Variants in LSM14A observed in about 807,000 individuals in gnomAD.
The protein encoded by LSM14A is protein LSM14 homolog A.
A neutral mutation model predicts 52.4 loss-of-function variants in LSM14A; 14 were observed. The observed-to-expected ratio is 0.27, with a 90% CI of 0.18 to 0.42. The LOEUF (loss-of-function observed/expected upper bound fraction) is 0.42, where lower values mean the gene tolerates loss of function less well. LSM14A is among the 10% of genes least tolerant of loss of function. LSM14A has a pLI of 1.00. For synonymous variants in LSM14A, 185 were observed against 200.3 expected, an observed-to-expected ratio of 0.92 and a Z score of 0.64; for missense variants, 417 against 581.8, an observed-to-expected ratio of 0.72 and a Z score of 2.91.
rs868107026 is a variant in LSM14A, at chr19:34,175,557, A to C, written c.121+2794A>C. Among the ~76,000 whole-genome samples, 10 of 152,298 alleles carry C rather than the reference A, an allele frequency of 6.6e-5. No homozygotes were observed. In the South Asian group the frequency reaches 1.9e-3, roughly 28 times the overall value. Reference sequence around the variant, plus strand: ...GCTTTTTCTTAAGCAACATGAGTTAAATGTGTAACCAGTTTGGGGAATTTG... The same window carrying C: ...GCTTTTTCTTAAGCAACATGAGTTACATGTGTAACCAGTTTGGGGAATTTG... On this transcript the variant is annotated intron_variant, in intron 1 of 9. Coordinates refer to ENST00000544216, the MANE Select transcript of LSM14A (RefSeq NM_015578.4).
intron 1 of LSM14A, among the ~76,000 whole-genome samples, chr19:34,175,752 G>A (rs2069040759): frequency 6.6e-6 from 1 of 152,114 alleles, no homozygotes. Flanking sequence ...ATGACTTGTT[G>A]AGTAATTCGA....
intron 4 of LSM14A, among the ~76,000 whole-genome samples, chr19:34,211,170 G>A (rs2072117749): frequency 6.6e-6 from 1 of 151,782 alleles, no homozygotes. Flanking sequence ...AGCCGGGCAT[G>A]GTGGCGTGCA....
intron 1 of LSM14A, among the ~76,000 whole-genome samples, chr19:34,189,073 GGT>G (rs2070157612): frequency 1.3e-5 from 2 of 152,052 alleles, no homozygotes; most frequent in Non-Finnish European, 2.9e-5. Context: ...CTTCCCTGAG[GGT>G]GGGGACATAA....
In LSM14A at chr19:34,182,434, A is replaced by G. The variant is rs562629209; in HGVS notation, c.121+9671A>G. On this transcript the variant is annotated intron_variant, in intron 1 of 9. Transcript: ENST00000544216. ...TGGAAGCTTTTATTTAGAATTCTCT[A>G]TTCCTGGAATTCACAAATGTGATCA... 2.2e-4 allele frequency among the ~76,000 whole-genome samples: 34 copies of G among 151,930 alleles called. 1 individual carries two copies. In the South Asian group the frequency reaches 6.2e-3, roughly 28 times the overall value.
chr19:34,194,122 A>G lies in LSM14A; in HGVS notation c.122-356A>G, dbSNP rs890500720. 2.0e-5 allele frequency among the ~76,000 whole-genome samples: 3 copies of G among 152,320 alleles called. No individual in the cohort carries two copies. The East Asian group carries it at 5.8e-4, about 29-fold the overall frequency. On this transcript the variant is annotated intron_variant, in intron 1 of 9. Coordinates refer to ENST00000544216, the MANE Select transcript of LSM14A (RefSeq NM_015578.4). ...CGGGAAGCTGAGGCTGCAGGAAGCC[A>G]TGACCACACCACTGCACTCCAGCCT... is the stretch of plus-strand genomic sequence containing the variant.
rs1327402415 is a variant in LSM14A, at chr19:34,227,999, TC to T, written c.*613del. Reference sequence around the variant, plus strand: ...TAACTTTTTTATATAGTTGTAAAATTCCATTATATTCCATTGCCAAAGAAAC... The same window carrying T: ...TAACTTTTTTATATAGTTGTAAAATTCATTATATTCCATTGCCAAAGAAAC... On this transcript the variant is annotated 3_prime_UTR_variant, in exon 10 of 10. Coordinates refer to ENST00000544216, the MANE Select transcript of LSM14A (RefSeq NM_015578.4). 6.6e-6 allele frequency: 1 copy of T among 152,590 alleles called. No individual in the cohort carries two copies. Among genetic ancestry groups the T allele is most frequent in the South Asian group, 2.1e-4 (1 of 4,830 alleles). 9.5% of individuals were successfully genotyped at this position (152,590 alleles called of 1,614,324 possible). A position where few individuals can be genotyped will look rare whatever the true frequency, so the allele number is the denominator to read the frequency against.
intron 6 of LSM14A, among the ~76,000 whole-genome samples, chr19:34,216,241 G>A (rs980334043): frequency 2.8e-4 from 42 of 151,984 alleles, no homozygotes; most frequent in African/African-American, 7.2e-4. Context: ...GTGAAACCCC[G>A]TCTCCACTAA....
In LSM14A at chr19:34,209,064, A is replaced by G; in HGVS notation, c.538+13A>G. 1 of 1,520,130 alleles carries G rather than the reference A, an allele frequency of 6.6e-7. No homozygotes were observed. Among genetic ancestry groups the G allele is most frequent in the Non-Finnish European group, 8.9e-7 (1 of 1,121,840 alleles). 94.2% of individuals were successfully genotyped at this position (1,520,130 alleles called of 1,614,324 possible). A position where few individuals can be genotyped will look rare whatever the true frequency, so the allele number is the denominator to read the frequency against. On this transcript the variant is annotated intron_variant, in intron 4 of 9. Coordinates refer to ENST00000544216, the MANE Select transcript of LSM14A (RefSeq NM_015578.4). ...CAGTTATCTCAAGGTAAGCTATCTC[A>G]TCCCTAAAATATTTCCATTCTAAAC...
Position 34,194,533 on chromosome 19 carries a change from T to C in LSM14A, c.177T>C (p.Asp59=). The change falls in exon 2 of 10, where the codon GAT becomes GAC. Residue 59 remains aspartate, a synonymous_variant. Coordinates refer to ENST00000544216, the MANE Select transcript of LSM14A (RefSeq NM_015578.4). ...CAGATCGTCCAATACCACCTCGAGA[T>C]GAAGTCTTTGAATACATTATATTCC... ...RPTDRPIPPR[D]EVFEYIIFRG... 1.9e-6 allele frequency: 3 copies of C among 1,614,156 alleles called. No homozygotes were observed. Among genetic ancestry groups the C allele is most frequent in the Non-Finnish European group, 2.5e-6 (3 of 1,179,974 alleles).
intron 2 of LSM14A, 31 bp from the exon 3 acceptor site, chr19:34,196,603 C>T: frequency 1.9e-6 from 3 of 1,558,364 alleles, no homozygotes; most frequent in Non-Finnish European, 2.6e-6. Context: ...TTGCTTAGAG[C>T]TTGGAAACAT....
intron 3 of LSM14A, among the ~76,000 whole-genome samples, chr19:34,199,868 A>G (rs2071163026): frequency 1.3e-5 from 2 of 152,262 alleles, no homozygotes; most frequent in South Asian, 4.1e-4. Flanking sequence ...GAGGATTATC[A>G]TTAGATGCTG....
chr19:34,229,098 A>C lies in LSM14A; in HGVS notation c.*1710A>C, dbSNP rs1458976899. On this transcript the variant is annotated 3_prime_UTR_variant, in exon 10 of 10. Transcript: ENST00000544216. ...GAGATGTCCCGGGCCAATTTCAAGA[A>C]AGAAAACTGTAAATACTAGTTCTAC... 1 of 152,218 alleles carries C rather than the reference A, an allele frequency of 6.6e-6. No individual in the cohort carries two copies. Among genetic ancestry groups the C allele is most frequent in the Non-Finnish European group, 1.5e-5 (1 of 68,050 alleles). The allele number at this position is 152,218 out of a possible 1,614,324, so 9.4% of individuals were successfully genotyped here. A position where few individuals can be genotyped will look rare whatever the true frequency, so the allele number is the denominator to read the frequency against.
chr19:34,203,952 A>G (rs943006280), intron 3 of LSM14A, among the ~76,000 whole-genome samples: 74 of 152,206 alleles, frequency 4.9e-4, no homozygotes, highest in African/African-American at 1.7e-3. Flanking sequence ...TGTTTATAAG[A>G]AATGCACTGA....
In LSM14A at chr19:34,219,446, G is replaced by A; in HGVS notation, c.837G>A (p.Arg279=). 1 of 1,613,940 alleles carries A rather than the reference G, an allele frequency of 6.2e-7. No homozygotes were observed. The highest frequency in any genetic ancestry group is 1.1e-5 in the South Asian group (1 of 91,074). The change falls in exon 7 of 10, where the codon AGG becomes AGA. Residue 279 remains arginine (R), a synonymous_variant. Transcript: ENST00000544216. ...RRGRGGHRGG[R]GRFGIRRDGP... is the part of the protein sequence containing the mutation. ...GGCGTGGGGGTCATCGGGGTGGCAG[G>A]GGAAGATTTGGTATTCGGCGAGATG... is the stretch of plus-strand genomic sequence containing the variant.
At chr19:34,181,861 A>G (rs1052501975) in intron 1 of LSM14A, among the ~76,000 whole-genome samples, 1 of 151,876 alleles carries the variant, frequency 6.6e-6, no homozygotes, top group Non-Finnish European at 1.5e-5. Flanking sequence ...TAACATCTCT[A>G]CTTGTAGGGA....
chr19:34,176,259 A>G (rs1364782333), intron 1 of LSM14A, among the ~76,000 whole-genome samples: 2 of 152,102 alleles, frequency 1.3e-5, no homozygotes, highest in Non-Finnish European at 2.9e-5. Flanking sequence ...TTTGAGTAAC[A>G]GTCTTAGCAT....
intron 2 of LSM14A, 60 bp downstream of exon 2, chr19:34,194,701 C>CT (rs2070716213): frequency 6.7e-7 from 1 of 1,490,570 alleles, no homozygotes; most frequent in African/African-American, 1.4e-5. Flanking sequence ...TTAGCCTTGG[C>CT]TTTTTTCTCT....
chr19:34,210,560 C>T (rs938601113), intron 4 of LSM14A, among the ~76,000 whole-genome samples: 1 of 152,002 alleles, frequency 6.6e-6, no homozygotes, highest in African/African-American at 2.4e-5. Flanking sequence ...ATGTGAGCCA[C>T]TGCGTCCAGC....
At chr19:34,221,468 T>C (rs1022135410) in intron 8 of LSM14A, 39 bp from the exon 9 acceptor site, 4 of 1,588,044 alleles carry the variant, frequency 2.5e-6, no homozygotes. Flanking sequence ...GATATTCTTT[T>C]AAACCTGATA....
Sources: gnomAD v4.1 joint callset for allele counts (sites outside exome capture counted in the v4.1 genomes callset) on GRCh38, gnomAD v4.1.1 for gene constraint, MANE v1.5 for transcripts, NCBI Gene and HGNC (gene_info 2026-07-23, HGNC 2026-07-21) for gene names.